Variants in NALF1 observed in about 807,000 individuals in gnomAD.
NALF1 encodes the protein NALCN channel auxiliary factor 1, also known as family with sequence similarity 155 member A.
A neutral mutation model predicts 48.4 loss-of-function variants in NALF1; 3 were observed. That is an observed-to-expected ratio of 0.06 (90% CI 0.03 to 0.16). The LOEUF is 0.16. NALF1 is among the 10% of genes least tolerant of loss of function. The pLI, the probability that NALF1 is intolerant of heterozygous loss-of-function variation, is 1.00. For synonymous variants in NALF1, 262 were observed against 245.7 expected (o/e 1.07, Z -0.62); for missense variants, 526 against 571.5 (o/e 0.92, Z 0.81).
intron 1 of NALF1, among the ~76,000 whole-genome samples, chr13:107,604,336 G>A (rs61965949): frequency 0.24 from 36,896 of 151,974 alleles, 5,140 homozygotes; most frequent in East Asian, 0.38. Context: ...TCTACATTTA[G>A]AATTCAGTCT....
chr13:107,866,683 A>T lies in NALF1; in HGVS notation c.-87T>A. 9.1e-7 allele frequency: 1 copy of T among 1,101,256 alleles called. No individual in the cohort carries two copies. Among genetic ancestry groups the T allele is most frequent in the Non-Finnish European group, 1.3e-6 (1 of 768,000 alleles). 68.2% of individuals were successfully genotyped at this position (1,101,256 alleles called of 1,614,324 possible). A position where few individuals can be genotyped will look rare whatever the true frequency, so the allele number is the denominator to read the frequency against. On this transcript the variant is annotated 5_prime_UTR_variant, in exon 1 of 3. Coordinates refer to ENST00000375915, the MANE Select transcript of NALF1 (RefSeq NM_001080396.3). The surrounding 1 kb of genome is among the most constrained non-coding windows in gnomAD (Gnocchi z 4.4). ...CAATATGCATTGACTTAAAGGGTTTAATTTCCTTATCCCCTCCTCCCGTTT... is the reference window on the plus strand; with the variant it reads ...CAATATGCATTGACTTAAAGGGTTTTATTTCCTTATCCCCTCCTCCCGTTT...
At chr13:107,580,321 G>T (rs1594140492) in intron 1 of NALF1, among the ~76,000 whole-genome samples, 3 of 152,158 alleles carry the variant, frequency 2.0e-5, no homozygotes, top group Admixed American at 6.5e-5. Flanking sequence ...CTCCATTAAT[G>T]TCTTCCTTTT....
intron 1 of NALF1, among the ~76,000 whole-genome samples, chr13:107,293,077 T>A (rs957707178): frequency 3.3e-4 from 49 of 149,640 alleles, no homozygotes; most frequent in African/African-American, 1.2e-3. Flanking sequence ...GCCTCCTGGG[T>A]TCACGCTATT....
chr13:107,645,680 C>CAAAAAA (rs56187783), intron 1 of NALF1, among the ~76,000 whole-genome samples: 1 of 132,502 alleles, frequency 7.5e-6, no homozygotes, highest in Admixed American at 7.4e-5. Context: ...TACTGGGAGA[C>CAAAAAA]AAAAAAAAAA....
chr13:107,272,861 C>T lies in NALF1; in HGVS notation c.916-62106G>A, dbSNP rs76089083. Reference sequence around the variant, plus strand: ...CACATTTGTTAAAACTAAGGAAAGTCGGAGTCATATACACATATACGTGTA... The same window carrying T: ...CACATTTGTTAAAACTAAGGAAAGTTGGAGTCATATACACATATACGTGTA... On this transcript the variant is annotated intron_variant, in intron 1 of 2. Coordinates refer to ENST00000375915, the MANE Select transcript of NALF1 (RefSeq NM_001080396.3). 5.1e-3 allele frequency among the ~76,000 whole-genome samples: 769 copies of T among 152,144 alleles called. 9 individuals are homozygous for T. The highest frequency in any genetic ancestry group is 0.018 in the African/African-American group (727 of 41,488).
At chr13:107,533,341 T>C (rs1299916706) in intron 1 of NALF1, among the ~76,000 whole-genome samples, 5 of 152,072 alleles carry the variant, frequency 3.3e-5, no homozygotes, top group East Asian at 1.9e-4. Context: ...AGTGACAGCA[T>C]TGAAAGACAG....
chr13:107,417,544 T>G (rs1408547845), intron 1 of NALF1, among the ~76,000 whole-genome samples: 1 of 152,174 alleles, frequency 6.6e-6, no homozygotes, highest in Non-Finnish European at 1.5e-5. Flanking sequence ...TGCTGAACTT[T>G]GTGTCTTCCT....
At chr13:107,495,887 C>G (rs1200064253) in intron 1 of NALF1, among the ~76,000 whole-genome samples, 3 of 152,180 alleles carry the variant, frequency 2.0e-5, no homozygotes, top group African/African-American at 7.2e-5. Context: ...AACCTACATG[C>G]TGCTTCTCCA....
At chr13:107,767,712 A>G in intron 1 of NALF1, among the ~76,000 whole-genome samples, 1 of 152,204 alleles carries the variant, frequency 6.6e-6, no homozygotes, top group East Asian at 1.9e-4. Context: ...AACTCTGGGA[A>G]AATTATCATG....
chr13:107,382,135 ATTCT>A (rs1221189181), intron 1 of NALF1, among the ~76,000 whole-genome samples: 3 of 152,100 alleles, frequency 2.0e-5, no homozygotes, highest in Non-Finnish European at 2.9e-5. Context: ...TGTTCATTCT[ATTCT>A]TTCTATTTTC....
intron 1 of NALF1, among the ~76,000 whole-genome samples, chr13:107,450,663 G>T (rs975580916): frequency 2.3e-4 from 35 of 152,152 alleles, no homozygotes; most frequent in Non-Finnish European, 1.2e-4. Context: ...TCTTGGGGAT[G>T]CCATGGGTGA....
intron 1 of NALF1, among the ~76,000 whole-genome samples, chr13:107,683,989 C>A (rs1413594466): frequency 1.3e-5 from 2 of 152,188 alleles, no homozygotes; most frequent in Non-Finnish European, 2.9e-5. Context: ...ACCCTGGAGC[C>A]ACCTCCAAAG....
Position 107,745,565 on chromosome 13 carries a change from T to G in NALF1, c.915+120117A>C, listed in dbSNP as rs145672332. Among the ~76,000 whole-genome samples the G allele has an allele frequency of 2.7e-3, 416 of 152,318 alleles. 2 individuals are homozygous for G. The highest frequency in any genetic ancestry group is 9.7e-3 in the African/African-American group (405 of 41,584). On this transcript the variant is annotated intron_variant, in intron 1 of 2. Transcript: ENST00000375915. The stretch of plus-strand genomic sequence containing the variant: ...AAAAAATAAAACATTTACAGTGACC[T>G]ACGTTTATTTTTCTGTTGTAAACAC...
chr13:107,206,082 C>T (rs977955696), intron 2 of NALF1, among the ~76,000 whole-genome samples: 1 of 152,150 alleles, frequency 6.6e-6, no homozygotes, highest in African/African-American at 2.4e-5. Context: ...CAGAACCCAC[C>T]TTGACAAATT....
At chr13:107,368,515 C>T (rs551891918) in intron 1 of NALF1, among the ~76,000 whole-genome samples, 1 of 152,206 alleles carries the variant, frequency 6.6e-6, no homozygotes, top group South Asian at 2.1e-4. Flanking sequence ...ACGCTTGCTC[C>T]AGAGACTCTG....
rs1879010663 is a variant in NALF1 at position 107,812,047 on chromosome 13, T to C, written c.915+53635A>G. Among the ~76,000 whole-genome samples the C allele has an allele frequency of 2.0e-5, 3 of 152,302 alleles. No homozygotes were observed. In the South Asian group the frequency reaches 6.2e-4, roughly 32 times the overall value. The stretch of plus-strand genomic sequence containing the variant: ...AATGGAATCTAAGAAATAGAAAATA[T>C]TTTAATGGTGGTTAGTATTAAGGGT... On this transcript the variant is annotated intron_variant, in intron 1 of 2. Coordinates refer to ENST00000375915, the MANE Select transcript of NALF1 (RefSeq NM_001080396.3).
At position 107,170,235 on chromosome 13, in the gene NALF1, C is replaced by G; in HGVS notation, c.*262G>C. ...ACAAACAAATAAACCCAAACCAAAA[C>G]GAAAGCAAATAAAACCTCCAAACAT... On this transcript the variant is annotated 3_prime_UTR_variant, in exon 3 of 3. Transcript: ENST00000375915. 5.5e-6 allele frequency: 2 copies of G among 366,402 alleles called. No individual in the cohort carries two copies. Among genetic ancestry groups the G allele is most frequent in the Non-Finnish European group, 9.8e-6 (2 of 203,216 alleles). The allele number at this position is 366,402 out of a possible 1,614,324, so 22.7% of individuals were successfully genotyped here.
At chr13:107,765,249 A>AT (rs1877389954) in intron 1 of NALF1, among the ~76,000 whole-genome samples, 1 of 152,056 alleles carries the variant, frequency 6.6e-6, no homozygotes, top group Non-Finnish European at 1.5e-5. Context: ...CAATTTACAG[A>AT]TTTTTCATTG....
At chr13:107,519,187 G>A (rs1388848242) in intron 1 of NALF1, among the ~76,000 whole-genome samples, 1 of 151,726 alleles carries the variant, frequency 6.6e-6, no homozygotes, top group African/African-American at 2.4e-5. Context: ...TATTTACAGG[G>A]GTCTCCAACC....
Sources: gnomAD v4.1 joint callset for allele counts (sites outside exome capture counted in the v4.1 genomes callset) on GRCh38, gnomAD v4.1.1 for gene constraint, Gnocchi (gnomAD v3.1) non-coding constraint, MANE v1.5 for transcripts, NCBI Gene and HGNC (gene_info 2026-07-23, HGNC 2026-07-21) for gene names.